Variants in ITPR1 observed in about 807,000 individuals in gnomAD.
The protein encoded by ITPR1 is inositol 1,4,5-trisphosphate receptor type 1.
A neutral mutation model predicts 318.4 loss-of-function variants in ITPR1; 96 were observed. That is an observed-to-expected ratio of 0.30 (90% CI 0.26 to 0.36). The LOEUF (loss-of-function observed/expected upper bound fraction) is 0.36. Ranked by LOEUF, ITPR1 falls within the 10% of genes least tolerant of loss-of-function variation. The pLI is 1.00. For synonymous variants in ITPR1, 1,312 were observed against 1,289.9 expected, an observed-to-expected ratio of 1.02 and a Z score of -0.37; for missense variants, 2,440 against 3,460.2, an observed-to-expected ratio of 0.71 and a Z score of 7.40.
chr3:4,767,599 A>G (rs1006986214), intron 45 of ITPR1, among the ~76,000 whole-genome samples: 2 of 152,236 alleles, frequency 1.3e-5, no homozygotes, highest in African/African-American at 4.8e-5. Context: ...GCTCACTGCA[A>G]CGTCCAACTC....
chr3:4,512,875 G>A (rs115996081), intron 2 of ITPR1, among the ~76,000 whole-genome samples: 3,731 of 152,216 alleles, frequency 0.025, 159 homozygotes, highest in African/African-American at 0.085. Context: ...AGAGCTTAGG[G>A]GCAGAGAGCC....
At chr3:4,810,680 T>C (rs1177130796) in intron 55 of ITPR1, among the ~76,000 whole-genome samples, 1 of 152,208 alleles carries the variant, frequency 6.6e-6, no homozygotes, top group Non-Finnish European at 1.5e-5. Context: ...TTATTCTTCA[T>C]AACAACTCTA....
intron 5 of ITPR1, among the ~76,000 whole-genome samples, chr3:4,638,777 C>A (rs2093265612): frequency 2.0e-5 from 3 of 152,258 alleles, no homozygotes; most frequent in South Asian, 4.1e-4. Context: ...ATGTTCTTTT[C>A]ACGGAATGAT....
chr3:4,745,051 T>C (rs2043995592), intron 44 of ITPR1, among the ~76,000 whole-genome samples: 1 of 1,514 alleles, frequency 6.6e-4, no homozygotes. Flanking sequence ...TCTCTTTCTT[T>C]TCCTTTCTCT....
chr3:4,534,867 T>C (rs2083718966), intron 4 of ITPR1, among the ~76,000 whole-genome samples: 1 of 152,136 alleles, frequency 6.6e-6, no homozygotes, highest in Non-Finnish European at 1.5e-5. Context: ...AGGTAGGAAA[T>C]AGAATAACCC....
At chr3:4,611,774 A>G (rs1429924617) in intron 4 of ITPR1, among the ~76,000 whole-genome samples, 1 of 152,144 alleles carries the variant, frequency 6.6e-6, no homozygotes, top group Non-Finnish European at 1.5e-5. Flanking sequence ...CTTGCTTTGA[A>G]TTCAATGAAT....
At chr3:4,660,424 T>C (rs2093807201) in intron 13 of ITPR1, among the ~76,000 whole-genome samples, 1 of 151,592 alleles carries the variant, frequency 6.6e-6, no homozygotes, top group Admixed American at 6.6e-5. Context: ...ACTTTGTTTA[T>C]GATGGTTCTT....
chr3:4,557,717 G>T (rs910146178), intron 4 of ITPR1, among the ~76,000 whole-genome samples: 2 of 152,058 alleles, frequency 1.3e-5, no homozygotes, highest in African/African-American at 4.8e-5. Flanking sequence ...CATTATTTTT[G>T]CAGATTTTAT....
intron 4 of ITPR1, among the ~76,000 whole-genome samples, chr3:4,601,851 A>G (rs1049738624): frequency 6.6e-6 from 1 of 152,264 alleles, no homozygotes; most frequent in African/African-American, 2.4e-5. Context: ...ACAGCTCAAT[A>G]GTAAAAGACA....
chr3:4,816,670 T>G (rs1442817466), intron 59 of ITPR1, among the ~76,000 whole-genome samples: 1 of 152,258 alleles, frequency 6.6e-6, no homozygotes, highest in Non-Finnish European at 1.5e-5. Context: ...ATTACAGGCA[T>G]GAGCCACTGC....
At chr3:4,839,273 G>T (rs531810515) in intron 61 of ITPR1, among the ~76,000 whole-genome samples, 2 of 152,106 alleles carry the variant, frequency 1.3e-5, no homozygotes, top group African/African-American at 4.8e-5. Context: ...GTTGTGGTGA[G>T]CCGAGATCAC....
At position 4,683,778 on chromosome 3, in the gene ITPR1, A is replaced by C; in HGVS notation, c.3478A>C (p.Asn1160His). Residue 1160 changes from asparagine (N) to histidine (H), a missense_variant, in exon 28 of 62, where the codon AAT becomes CAT. By Grantham distance (68) the Asn-to-His change is moderately conservative. Coordinates refer to ENST00000649015, the MANE Select transcript of ITPR1 (RefSeq NM_001378452.1). ...GACTATGGATGGTGCATCTGGAGAA[A>C]ATGAACATAAGAAAACGGAGGTGAG... is the stretch of plus-strand genomic sequence containing the variant. Reference protein sequence around the residue: ...DETMDGASGENEHKKTEEGNN... With the variant: ...DETMDGASGEHEHKKTEEGNN... 6.2e-7 allele frequency: 1 copy of C among 1,613,894 alleles called. No homozygotes were observed. The highest frequency in any genetic ancestry group is 8.5e-7 in the Non-Finnish European group (1 of 1,179,816).
At chr3:4,843,612 C>T (rs1227704412) in intron 61 of ITPR1, among the ~76,000 whole-genome samples, 1 of 152,152 alleles carries the variant, frequency 6.6e-6, no homozygotes, top group African/African-American at 2.4e-5. Flanking sequence ...AACCATTCTT[C>T]TAGAGAAACA....
At chr3:4,601,914 A>C (rs1370213047) in intron 4 of ITPR1, among the ~76,000 whole-genome samples, 1 of 152,252 alleles carries the variant, frequency 6.6e-6, no homozygotes, top group Non-Finnish European at 1.5e-5. Context: ...TTCTCCAAAG[A>C]AAACATATAA....
chr3:4,765,288 C>T (rs2045742483), intron 44 of ITPR1, among the ~76,000 whole-genome samples: 1 of 152,076 alleles, frequency 6.6e-6, no homozygotes, highest in Non-Finnish European at 1.5e-5. Flanking sequence ...CTGTAAAAAG[C>T]AACCAGAGGT....
At chr3:4,726,271 C>G (rs2042507834) in intron 41 of ITPR1, among the ~76,000 whole-genome samples, 2 of 151,792 alleles carry the variant, frequency 1.3e-5, no homozygotes, top group African/African-American at 4.8e-5. Flanking sequence ...CTCAGGTGAT[C>G]CACCCGCCTC....
intron 4 of ITPR1, among the ~76,000 whole-genome samples, chr3:4,562,579 C>G (rs1575540093): frequency 6.6e-6 from 1 of 152,014 alleles, no homozygotes; most frequent in South Asian, 2.1e-4. Context: ...TATGCATTAC[C>G]AATATCTCAG....
intron 4 of ITPR1, among the ~76,000 whole-genome samples, chr3:4,550,993 G>C (rs185185112): frequency 1.3e-5 from 2 of 152,226 alleles, no homozygotes; most frequent in East Asian, 3.9e-4. Context: ...GAATAGAATA[G>C]TGCTGCCTGC....
chr3:4,511,318 C>T (rs747999687), intron 2 of ITPR1, among the ~76,000 whole-genome samples: 6 of 151,544 alleles, frequency 4.0e-5, no homozygotes, highest in East Asian at 1.9e-4. Flanking sequence ...TTTTTTTTTA[C>T]GCACAGCTCA....
Sources: gnomAD v4.1 joint callset for allele counts (sites outside exome capture counted in the v4.1 genomes callset) on GRCh38, gnomAD v4.1.1 for gene constraint, MANE v1.5 for transcripts, NCBI Gene and HGNC (gene_info 2026-07-23, HGNC 2026-07-21) for gene names.